The following SRPK2 variants were observed in gnomAD, a reference collection of about 807,000 sequenced individuals.
The protein encoded by SRPK2 is SRSF protein kinase 2.
In SRPK2, 21 loss-of-function variants were observed where a neutral mutation model predicts 90.8. The ratio of observed to expected loss-of-function variants is 0.23; its 90% confidence interval spans 0.16 to 0.33. The LOEUF (loss-of-function observed/expected upper bound fraction) is 0.33, where lower values mean the gene tolerates loss of function less well. SRPK2 is among the 10% of genes least tolerant of loss of function. SRPK2 has a pLI of 1.00. For synonymous variants in SRPK2, 288 were observed against 311.1 expected, an observed-to-expected ratio of 0.93 and a Z score of 0.78; for missense variants, 620 against 869.0, an observed-to-expected ratio of 0.71 and a Z score of 3.60.
At chr7:105,268,925 T>G in intron 2 of SRPK2, 1 of 1,538,302 alleles carries the variant, frequency 6.5e-7, no homozygotes, top group South Asian at 1.2e-5. Context: ...CTTTCAAGCC[T>G]TATATCAAGA....
intron 3 of SRPK2, among the ~76,000 whole-genome samples, chr7:105,190,388 C>T (rs1211547388): frequency 1.3e-5 from 2 of 152,220 alleles, no homozygotes; most frequent in African/African-American, 4.8e-5. Flanking sequence ...TGCTCTCCTA[C>T]CTCCTTGACT....
At chr7:105,277,162 C>A (rs367723434) in intron 2 of SRPK2, among the ~76,000 whole-genome samples, 2 of 152,022 alleles carry the variant, frequency 1.3e-5, no homozygotes, top group Non-Finnish European at 2.9e-5. Context: ...CTGCAAGCTC[C>A]GCCTCCCGGG....
At chr7:105,340,568 C>T (rs929119790) in intron 2 of SRPK2, among the ~76,000 whole-genome samples, 14 of 151,956 alleles carry the variant, frequency 9.2e-5, no homozygotes, top group East Asian at 5.8e-4. Flanking sequence ...CACACCACCA[C>T]GCCCAGCTAA....
chr7:105,133,122 C>T lies in SRPK2; in HGVS notation c.1544-18G>A. ...GGTTTTTGCTGGCATGAGCAAACAG[C>T]AGGACAGTTAGTGATCGGGATAGGT... On this transcript the variant is annotated intron_variant, in intron 11 of 15. Transcript: ENST00000393651. The T allele has an allele frequency of 1.2e-6, 2 of 1,612,630 alleles. No homozygotes were observed. The highest frequency in any genetic ancestry group is 1.7e-6 in the Non-Finnish European group (2 of 1,178,644).
At position 105,299,514 on chromosome 7, in the gene SRPK2, T is replaced by C. The variant is rs575316568; in HGVS notation, c.71+89134A>G. Among the ~76,000 whole-genome samples the C allele has an allele frequency of 9.2e-5, 14 of 152,352 alleles. No homozygotes were observed. The South Asian group carries it at 2.9e-3, about 32-fold the overall frequency. On this transcript the variant is annotated intron_variant, in intron 2 of 15. Transcript: ENST00000393651. ...GAAATTAAATATATTCATCTTTTAGTCTGTTGTACCACAGACACTGGAGAG... is the reference window on the plus strand; with the variant it reads ...GAAATTAAATATATTCATCTTTTAGCCTGTTGTACCACAGACACTGGAGAG...
At chr7:105,304,623 G>A (rs1810950603) in intron 2 of SRPK2, among the ~76,000 whole-genome samples, 1 of 152,164 alleles carries the variant, frequency 6.6e-6, no homozygotes, top group Admixed American at 6.5e-5. Context: ...CCAAAGACTT[G>A]CCCTGATTTT....
In SRPK2 at chr7:105,316,703, G is replaced by A. The variant is rs537750104; in HGVS notation, c.71+71945C>T. On this transcript the variant is annotated intron_variant, in intron 2 of 15. Coordinates refer to ENST00000393651, the MANE Select transcript of SRPK2 (RefSeq NM_182692.3). The stretch of plus-strand genomic sequence containing the variant: ...TAATGCAAGGACACAAGAGATACAA[G>A]GATAGGACAAAGTTACTCTGACCTT... Among the ~76,000 whole-genome samples the A allele has an allele frequency of 1.2e-4, 19 of 152,322 alleles. No homozygotes were observed. In the East Asian group the frequency reaches 2.5e-3, roughly 20 times the overall value.
intron 7 of SRPK2, among the ~76,000 whole-genome samples, chr7:105,153,122 G>A (rs1481766931): frequency 6.6e-6 from 1 of 152,138 alleles, no homozygotes; most frequent in Admixed American, 6.5e-5. Flanking sequence ...ATCAACCTAA[G>A]CCCAGACGAG....
chr7:105,295,104 C>T (rs985973523), intron 2 of SRPK2, among the ~76,000 whole-genome samples: 4 of 151,408 alleles, frequency 2.6e-5, no homozygotes, highest in Non-Finnish European at 4.4e-5. Context: ...CCCAGCTACT[C>T]AGGAGGCTGA....
intron 3 of SRPK2, among the ~76,000 whole-genome samples, chr7:105,178,421 G>A (rs953294296): frequency 8.5e-5 from 13 of 152,268 alleles, no homozygotes; most frequent in African/African-American, 2.9e-4. Flanking sequence ...TGTTATTACA[G>A]TCAAATATTT....
At chr7:105,339,987 G>A (rs371480126) in intron 2 of SRPK2, among the ~76,000 whole-genome samples, 3 of 151,658 alleles carry the variant, frequency 2.0e-5, no homozygotes, top group African/African-American at 7.3e-5. Flanking sequence ...GAGTCCAGGA[G>A]GCGGAAACTG....
At chr7:105,220,287 G>A (rs755262086) in intron 2 of SRPK2, among the ~76,000 whole-genome samples, 4 of 151,990 alleles carry the variant, frequency 2.6e-5, no homozygotes, top group East Asian at 1.9e-4. Flanking sequence ...ACCTGTAACC[G>A]GGAGGCGGAG....
At chr7:105,360,738 G>A (rs377066759) in intron 2 of SRPK2, among the ~76,000 whole-genome samples, 18 of 152,314 alleles carry the variant, frequency 1.2e-4, no homozygotes, top group East Asian at 9.6e-4. Flanking sequence ...GAGATCCGCC[G>A]TTAGTCTGAT....
intron 2 of SRPK2, among the ~76,000 whole-genome samples, chr7:105,363,786 A>G (rs566478057): frequency 1.3e-5 from 2 of 152,210 alleles, no homozygotes; most frequent in African/African-American, 4.8e-5. Context: ...AACCAACCCA[A>G]ATGTCCATCA....
chr7:105,170,860 AAAG>A (rs1790824503), intron 3 of SRPK2, among the ~76,000 whole-genome samples: 2 of 60,326 alleles, frequency 3.3e-5, no homozygotes, highest in Non-Finnish European at 7.6e-5. Context: ...AGAAAGAAAG[AAAG>A]AAAGAAAGAA....
intron 2 of SRPK2, among the ~76,000 whole-genome samples, chr7:105,238,506 G>A (rs1800405307): frequency 1.3e-5 from 2 of 152,180 alleles, no homozygotes; most frequent in African/African-American, 4.8e-5. Context: ...TCACTGGAAG[G>A]ACTCAGCTTC....
chr7:105,118,165 C>T, intron 15 of SRPK2, 143 bp from the exon 16 acceptor site: 1 of 753,508 alleles, frequency 1.3e-6, no homozygotes, highest in Non-Finnish European at 2.1e-6. Flanking sequence ...CAGCTTTTCC[C>T]CACTAAGCAA....
intron 2 of SRPK2, among the ~76,000 whole-genome samples, chr7:105,324,015 GT>G: frequency 1.4e-5 from 2 of 146,112 alleles, no homozygotes; most frequent in Admixed American, 6.9e-5. Flanking sequence ...GTGTGTGTGT[GT>G]GGTGGAGTCT....
chr7:105,217,063 G>A (rs561629411), intron 2 of SRPK2, among the ~76,000 whole-genome samples: 2 of 152,276 alleles, frequency 1.3e-5, no homozygotes, highest in South Asian at 4.1e-4. Context: ...AATACACCTT[G>A]ATACATTACG....
Sources: gnomAD v4.1 joint callset for allele counts (sites outside exome capture counted in the v4.1 genomes callset) on GRCh38, gnomAD v4.1.1 for gene constraint, MANE v1.5 for transcripts, NCBI Gene and HGNC (gene_info 2026-07-23, HGNC 2026-07-21) for gene names.